The following TSPEAR variants were observed in gnomAD, a reference collection of about 807,000 sequenced individuals.
The protein encoded by TSPEAR is thrombospondin type laminin G domain and EAR repeats.
TSPEAR carries 69 observed loss-of-function variants against 71.6 expected under a neutral mutation model. The observed-to-expected ratio is 0.96, with a 90% CI of 0.79 to 1.18. The LOEUF (loss-of-function observed/expected upper bound fraction) is 1.18, where lower values mean the gene tolerates loss of function less well. Among genes scored for constraint, TSPEAR ranks in the 50% most tolerant of loss-of-function variants. TSPEAR has a pLI of 0.00. For synonymous variants in TSPEAR, 402 were observed against 387.2 expected (o/e 1.04, Z -0.45); for missense variants, 971 against 894.9 (o/e 1.09, Z -1.09).
chr21:44,539,941 G>A (rs1555916996), intron 2 of TSPEAR: 2 of 1,613,736 alleles, frequency 1.2e-6, no homozygotes, highest in African/African-American at 1.3e-5. Context: ...AGCTGGTGCA[G>A]CCTGATTGGC....
At chr21:44,619,997 C>T (rs1982341823) in intron 1 of TSPEAR, among the ~76,000 whole-genome samples, 1 of 152,192 alleles carries the variant, frequency 6.6e-6, no homozygotes, top group African/African-American at 2.4e-5. Flanking sequence ...ATTGAGGAAA[C>T]ACATCAATCT....
chr21:44,645,685 T>C (rs1330126346), intron 1 of TSPEAR, among the ~76,000 whole-genome samples: 4 of 152,172 alleles, frequency 2.6e-5, no homozygotes, highest in African/African-American at 4.8e-5. Flanking sequence ...GTGCCGTTTT[T>C]ATTTCATATG....
intron 1 of TSPEAR, among the ~76,000 whole-genome samples, chr21:44,663,529 G>A (rs1461775704): frequency 6.6e-6 from 1 of 152,030 alleles, no homozygotes; most frequent in African/African-American, 2.4e-5. Flanking sequence ...AACATTTAAA[G>A]AGGAAATATA....
rs1418979676 is a variant in TSPEAR at position 44,711,550 on chromosome 21, G to A, written c.-36C>T. 2.5e-6 allele frequency: 4 copies of A among 1,587,994 alleles called. No individual in the cohort carries two copies. Among genetic ancestry groups the A allele is most frequent in the South Asian group, 2.3e-5 (2 of 87,970 alleles). Reference sequence around the variant, plus strand: ...GGTGCCAAGCTCCATCCAGGGCTCCGCTCAGCCTGCAGGGAAGTGGCTGCT... The same window carrying A: ...GGTGCCAAGCTCCATCCAGGGCTCCACTCAGCCTGCAGGGAAGTGGCTGCT... On this transcript the variant is annotated 5_prime_UTR_variant, in exon 1 of 12. Coordinates refer to ENST00000323084, the MANE Select transcript of TSPEAR (RefSeq NM_144991.3). This position sits in a 1 kb window ranked among gnomAD's most constrained non-coding sequence, Gnocchi z 4.5.
intron 10 of TSPEAR, among the ~76,000 whole-genome samples, chr21:44,507,491 G>GT (rs2052230768): frequency 6.6e-6 from 1 of 152,146 alleles, no homozygotes; most frequent in Non-Finnish European, 1.5e-5. Flanking sequence ...TGTGTGTGCT[G>GT]TTTTGATGGT....
chr21:44,655,991 C>G (rs1187301308), intron 1 of TSPEAR, among the ~76,000 whole-genome samples: 1 of 152,126 alleles, frequency 6.6e-6, no homozygotes, highest in Non-Finnish European at 1.5e-5. Context: ...GAGCTGTGGA[C>G]AGAACTTAGA....
chr21:44,593,565 T>C lies in TSPEAR; in HGVS notation c.83-25560A>G, dbSNP rs1980145859. ...CCCCGAAAAACTGCGTTCCTGGCCA[T>C]GACAGGAAGGGAGGTCAGACACGCC... On this transcript the variant is annotated intron_variant, in intron 1 of 11. Coordinates refer to ENST00000323084, the MANE Select transcript of TSPEAR (RefSeq NM_144991.3). This position sits in a 1 kb window ranked among gnomAD's most constrained non-coding sequence, Gnocchi z 5.9. Among the ~76,000 whole-genome samples the C allele has an allele frequency of 1.3e-5, 2 of 151,976 alleles. No homozygotes were observed. The highest frequency in any genetic ancestry group is 2.9e-5 in the Non-Finnish European group (2 of 67,978).
chr21:44,666,688 GCA>G, intron 1 of TSPEAR: 1 of 1,613,988 alleles, frequency 6.2e-7, no homozygotes, highest in Non-Finnish European at 8.5e-7. Context: ...AAGCTCATGG[GCA>G]CACACACAGA....
rs587680030 is a variant in TSPEAR at position 44,558,253 on chromosome 21, A to T, written c.303+9532T>A. ...CGGCAGAGGAGGGACACGGAGGAGGAGGGTCTGCAGCAGGAGGTGGTGCAG... is the reference window on the plus strand; with the variant it reads ...CGGCAGAGGAGGGACACGGAGGAGGTGGGTCTGCAGCAGGAGGTGGTGCAG... On this transcript the variant is annotated intron_variant, in intron 2 of 11. Transcript: ENST00000323084. 31 of 1,613,892 alleles carry T rather than the reference A, an allele frequency of 1.9e-5. No homozygotes were observed. In the Middle Eastern group the frequency reaches 5.0e-4, roughly 26 times the overall value.
intron 1 of TSPEAR, among the ~76,000 whole-genome samples, chr21:44,661,731 G>A (rs1042056076): frequency 6.6e-6 from 1 of 152,174 alleles, no homozygotes; most frequent in Admixed American, 6.6e-5. Context: ...GGGGGAGCAG[G>A]CACATCACGT....
chr21:44,528,936 A>G (rs587739058), intron 5 of TSPEAR, among the ~76,000 whole-genome samples: 4 of 152,284 alleles, frequency 2.6e-5, no homozygotes, highest in African/African-American at 9.6e-5. Context: ...CCCTGTTGAC[A>G]GTGGTGTATC....
intron 1 of TSPEAR, among the ~76,000 whole-genome samples, chr21:44,655,239 CTGCA>C (rs1468801128): frequency 2.2e-4 from 2 of 9,132 alleles, no homozygotes; most frequent in African/African-American, 1.7e-3. Context: ...GGGTGCGTGT[CTGCA>C]CCACTGCAGA....
chr21:44,579,641 G>T (rs587638657), intron 1 of TSPEAR: 4 of 1,224,834 alleles, frequency 3.3e-6, no homozygotes, highest in Non-Finnish European at 4.5e-6. Context: ...ATGGAGGGGG[G>T]GGTCACCTCA....
chr21:44,561,035 G>A (rs1272815669), intron 2 of TSPEAR, among the ~76,000 whole-genome samples: 5 of 152,124 alleles, frequency 3.3e-5, no homozygotes, highest in Non-Finnish European at 7.4e-5. Flanking sequence ...AAAAATCAAT[G>A]AATCCAGGAG....
intron 1 of TSPEAR, among the ~76,000 whole-genome samples, chr21:44,649,242 G>A (rs1375675022): frequency 6.6e-6 from 1 of 152,206 alleles, no homozygotes; most frequent in African/African-American, 2.4e-5. Flanking sequence ...TCGCCCAGTT[G>A]TAAGGGTGAG....
intron 1 of TSPEAR, chr21:44,678,134 G>A (rs1555947316): frequency 5.1e-6 from 3 of 591,202 alleles, no homozygotes; most frequent in Non-Finnish European, 9.2e-6. Flanking sequence ...TGCCATGGCG[G>A]CACGAGTAAG....
chr21:44,499,058 T>G lies in TSPEAR; in HGVS notation c.*725A>C, dbSNP rs2051978302. The stretch of plus-strand genomic sequence containing the variant: ...CCCAGTCAGCTGGAGGACATGTGAT[T>G]AAAATGCTGCTGAATAGGGAAAAAA... On this transcript the variant is annotated 3_prime_UTR_variant, in exon 12 of 12. Transcript: ENST00000323084. The G allele has an allele frequency of 6.6e-6, 1 of 152,242 alleles. No homozygotes were observed. Among genetic ancestry groups the G allele is most frequent in the Non-Finnish European group, 1.5e-5 (1 of 68,050 alleles). The allele number at this position is 152,242 out of a possible 1,614,324, so 9.4% of individuals were successfully genotyped here. A position where few individuals can be genotyped will look rare whatever the true frequency, so the allele number is the denominator to read the frequency against.
intron 2 of TSPEAR, chr21:44,558,821 C>G (rs782210263): frequency 1.7e-5 from 23 of 1,393,320 alleles, no homozygotes; most frequent in Non-Finnish European, 2.2e-5. Flanking sequence ...TGGTCGGAAC[C>G]TTTATACCCC....
intron 1 of TSPEAR, chr21:44,627,749 G>A: frequency 6.3e-7 from 1 of 1,595,570 alleles, no homozygotes; most frequent in Non-Finnish European, 8.6e-7. Context: ...CCTGTCTGCT[G>A]CAAACCCATC....
Sources: gnomAD v4.1 joint callset for allele counts (sites outside exome capture counted in the v4.1 genomes callset) on GRCh38, gnomAD v4.1.1 for gene constraint, Gnocchi (gnomAD v3.1) non-coding constraint, MANE v1.5 for transcripts, NCBI Gene and HGNC (gene_info 2026-07-23, HGNC 2026-07-21) for gene names.